Variants in VDAC1 observed in about 807,000 individuals in gnomAD.
VDAC1 encodes voltage dependent anion channel 1.
Under a neutral mutation model 34.7 loss-of-function variants are expected in VDAC1, and 10 were observed. The observed-to-expected ratio is 0.29, with a 90% CI of 0.18 to 0.49. The LOEUF is 0.49. Among genes scored for constraint, VDAC1 ranks in the 20% least tolerant of loss-of-function variants. VDAC1 has a pLI of 0.99. For synonymous variants in VDAC1, 130 were observed against 136.0 expected (o/e 0.96, Z 0.30); for missense variants, 230 against 347.9 (o/e 0.66, Z 2.69).
chr5:134,094,563 G>A, the VDAC1 span, among the ~76,000 whole-genome samples: 39 of 152,224 alleles, frequency 2.6e-4, no homozygotes, highest in South Asian at 2.1e-3. Flanking sequence ...CGAGCGTGGC[G>A]GCGGACGCCT....
At chr5:134,062,001 CAG>C in the VDAC1 span, among the ~76,000 whole-genome samples, 1 of 151,390 alleles carries the variant, frequency 6.6e-6, no homozygotes, top group Non-Finnish European at 1.5e-5. Context: ...TTTTTTGAGA[CAG>C]AGTCTTGCTC....
chr5:133,992,021 G>A (rs1442836921), intron 3 of VDAC1, among the ~76,000 whole-genome samples: 1 of 152,146 alleles, frequency 6.6e-6, no homozygotes, highest in East Asian at 1.9e-4. Flanking sequence ...CGGATCACCT[G>A]AAGTCGGGAG....
chr5:133,975,738 C>A lies in VDAC1; in HGVS notation c.702+133G>T. 4 of 1,384,644 alleles carry A rather than the reference C, an allele frequency of 2.9e-6. No individual in the cohort carries two copies. In the South Asian group the frequency reaches 5.3e-5, roughly 18 times the overall value. 85.8% of individuals were successfully genotyped at this position (1,384,644 alleles called of 1,614,324 possible). ...CCTCCCAAAGTGCAGGGATTACAGG[C>A]GTGAGTCACGGCGCCCAGCAGCATC... On this transcript the variant is annotated intron_variant, in intron 7 of 8. Transcript: ENST00000265333.
chr5:134,014,773 G>A, the VDAC1 span, among the ~76,000 whole-genome samples: 7 of 152,202 alleles, frequency 4.6e-5, no homozygotes, highest in African/African-American at 9.7e-5. Flanking sequence ...GGCTGAGGCA[G>A]GAGAATCGCT....
At chr5:134,039,575 C>T in the VDAC1 span, among the ~76,000 whole-genome samples, 6 of 152,258 alleles carry the variant, frequency 3.9e-5, no homozygotes, top group Admixed American at 1.3e-4. Context: ...GTGATCCGCC[C>T]GCCTTGGCCT....
intron 5 of VDAC1, among the ~76,000 whole-genome samples, chr5:133,982,406 G>A (rs898541667): frequency 1.3e-5 from 2 of 151,852 alleles, no homozygotes; most frequent in Admixed American, 1.3e-4. Flanking sequence ...CAGCTACTCA[G>A]GAGGCTGAGG....
In VDAC1 at chr5:133,987,126, A is replaced by T. The variant is rs575186661; in HGVS notation, c.323+3729T>A. On this transcript the variant is annotated intron_variant, in intron 5 of 8. Coordinates refer to ENST00000265333, the MANE Select transcript of VDAC1 (RefSeq NM_003374.3). ...GTAATCCCAGAATTTTGGGAGGCCAAGGTGGGAGGCAGATCACTTGAGTCA... is the reference window on the plus strand; with the variant it reads ...GTAATCCCAGAATTTTGGGAGGCCATGGTGGGAGGCAGATCACTTGAGTCA... Among the ~76,000 whole-genome samples the T allele has an allele frequency of 3.3e-5, 5 of 152,022 alleles. No homozygotes were observed. The East Asian group carries it at 9.7e-4, about 30-fold the overall frequency.
chr5:134,052,107 C>G, the VDAC1 span, among the ~76,000 whole-genome samples: 1 of 152,156 alleles, frequency 6.6e-6, no homozygotes, highest in Non-Finnish European at 1.5e-5. Flanking sequence ...CGCCCTCCCT[C>G]CACCAGCGGG....
chr5:134,078,434 A>G, the VDAC1 span, among the ~76,000 whole-genome samples: 1 of 152,088 alleles, frequency 6.6e-6, no homozygotes, highest in Non-Finnish European at 1.5e-5. Flanking sequence ...AAGGCCCAGG[A>G]GGACAGGAAG....
intron 8 of VDAC1, 28 bp downstream of exon 8, chr5:133,973,763 A>G: frequency 6.2e-7 from 1 of 1,603,676 alleles, no homozygotes; most frequent in Non-Finnish European, 8.5e-7. Context: ...AAGATAAAGA[A>G]CCGATTTCAC....
the VDAC1 span, among the ~76,000 whole-genome samples, chr5:134,081,198 C>T: frequency 6.6e-5 from 10 of 152,272 alleles, no homozygotes; most frequent in African/African-American, 2.4e-4. Context: ...CCACCAAACA[C>T]GGCTAATTTT....
the VDAC1 span, among the ~76,000 whole-genome samples, chr5:134,029,670 C>T: frequency 1.3e-5 from 2 of 152,264 alleles, no homozygotes; most frequent in East Asian, 3.9e-4. Flanking sequence ...TTAAATAGCA[C>T]ATGTGTAGGA....
the VDAC1 span, among the ~76,000 whole-genome samples, chr5:134,025,244 C>T: frequency 1.3e-5 from 2 of 152,168 alleles, no homozygotes; most frequent in Admixed American, 6.5e-5. Flanking sequence ...CCAGGCACGT[C>T]ACATGGCGAA....
upstream of VDAC1, among the ~76,000 whole-genome samples, chr5:134,006,748 C>CA (rs36125439): frequency 9.8e-3 from 788 of 80,178 alleles, 18 homozygotes; most frequent in African/African-American, 0.027. Flanking sequence ...CCCCCCCCCC[C>CA]AAAAAAAAAA....
chr5:134,029,245 A>C, the VDAC1 span, among the ~76,000 whole-genome samples: 1 of 152,180 alleles, frequency 6.6e-6, no homozygotes, highest in South Asian at 2.1e-4. Context: ...CAACCTCTTG[A>C]TTGCAGCTTC....
chr5:134,078,108 A>G, the VDAC1 span, among the ~76,000 whole-genome samples: 11 of 152,208 alleles, frequency 7.2e-5, no homozygotes, highest in Admixed American at 6.6e-5. Context: ...CATCTAGCAC[A>G]CACTGCCCAA....
At chr5:134,011,664 G>C in the VDAC1 span, among the ~76,000 whole-genome samples, 1 of 143,208 alleles carries the variant, frequency 7.0e-6, no homozygotes, top group East Asian at 2.0e-4. Context: ...TTTTTAGACA[G>C]AGTTTTACTC....
chr5:134,021,298 A>C, the VDAC1 span, among the ~76,000 whole-genome samples: 2 of 151,626 alleles, frequency 1.3e-5, no homozygotes, highest in African/African-American at 4.8e-5. Flanking sequence ...TCAACTCATC[A>C]TTTACATTAG....
the VDAC1 span, among the ~76,000 whole-genome samples, chr5:134,067,085 T>C: frequency 1.3e-5 from 2 of 151,740 alleles, no homozygotes; most frequent in Non-Finnish European, 2.9e-5. Flanking sequence ...AAAGTTCTTT[T>C]TTTTTTTTTT....
Sources: gnomAD v4.1 joint callset for allele counts (sites outside exome capture counted in the v4.1 genomes callset) on GRCh38, gnomAD v4.1.1 for gene constraint, MANE v1.5 for transcripts, NCBI Gene and HGNC (gene_info 2026-07-23, HGNC 2026-07-21) for gene names.